The following SETX variants were observed in gnomAD, a reference collection of about 807,000 sequenced individuals.
SETX encodes helicase senataxin.
SETX carries 90 observed loss-of-function variants against 227.2 expected under a neutral mutation model. The ratio of observed to expected loss-of-function variants is 0.40; its 90% CI spans 0.33 to 0.47. The LOEUF is 0.47. Among genes scored for constraint, SETX ranks in the 20% least tolerant of loss-of-function variants. SETX has a pLI of 0.91. For synonymous variants in SETX, 1,210 were observed against 1,113.2 expected (o/e 1.09, Z -1.73); for missense variants, 3,052 against 3,181.5 (o/e 0.96, Z 0.98).
chr9:132,339,395 G>A (rs1036118270), intron 5 of SETX, among the ~76,000 whole-genome samples: 1 of 152,172 alleles, frequency 6.6e-6, no homozygotes, highest in Non-Finnish European at 1.5e-5. Context: ...AGAGATTACA[G>A]TGAGCTGTCA....
intron 25 of SETX, among the ~76,000 whole-genome samples, chr9:132,265,485 A>G (rs1005663724): frequency 6.6e-6 from 1 of 151,966 alleles, no homozygotes; most frequent in Non-Finnish European, 1.5e-5. Flanking sequence ...TCAGCTCCCA[A>G]AGTGCTGGGA....
At chr9:132,319,033 G>C (rs1359540896) in intron 10 of SETX, among the ~76,000 whole-genome samples, 1 of 152,144 alleles carries the variant, frequency 6.6e-6, no homozygotes, top group African/African-American at 2.4e-5. Context: ...TCCCAAAAGA[G>C]AGGGCCATTA....
intron 6 of SETX, among the ~76,000 whole-genome samples, chr9:132,335,191 C>G (rs188667002): frequency 1.2e-3 from 188 of 151,720 alleles, no homozygotes; most frequent in African/African-American, 4.2e-3. Context: ...GAGATCGAGA[C>G]CATCCTGGCT....
At chr9:132,320,125 G>C (rs1207846511) in intron 10 of SETX, among the ~76,000 whole-genome samples, 1 of 152,056 alleles carries the variant, frequency 6.6e-6, no homozygotes. Context: ...ATATACAAAA[G>C]ACTCATTTCT....
intron 11 of SETX, among the ~76,000 whole-genome samples, chr9:132,307,588 T>C (rs1589693102): frequency 6.6e-6 from 1 of 152,114 alleles, no homozygotes; most frequent in South Asian, 2.1e-4. Flanking sequence ...TAGAAGGAGC[T>C]GACTGAAATG....
In SETX at chr9:132,326,781, C is replaced by T. The variant is rs1339829880; in HGVS notation, c.4817G>A (p.Arg1606Gln). The change falls in exon 10 of 26, where the codon CGA becomes CAA. Residue 1606 changes from arginine to glutamine, a missense_variant. Coordinates refer to ENST00000224140, the MANE Select transcript of SETX (RefSeq NM_015046.7). ...TKIFSSKSTS[R>Q]IAGLSKSLET... is the part of the protein sequence containing the mutation. ...CAAAGATTTAGAAAGACCAGCAATTCGTGAAGTACTCTTTGAGCTAAAAAT... is the reference window on the plus strand; with the variant it reads ...CAAAGATTTAGAAAGACCAGCAATTTGTGAAGTACTCTTTGAGCTAAAAAT... The T allele has an allele frequency of 6.2e-6, 10 of 1,614,130 alleles. No homozygotes were observed. Among genetic ancestry groups the T allele is most frequent in the African/African-American group, 1.3e-5 (1 of 75,008 alleles).
intron 2 of SETX, among the ~76,000 whole-genome samples, chr9:132,351,663 A>G (rs2131584788): frequency 6.6e-6 from 1 of 152,350 alleles, no homozygotes; most frequent in Non-Finnish European, 1.5e-5. Context: ...CAAATTTAAA[A>G]TCATCACTGG....
chr9:132,265,829 A>C (rs2131120222), intron 25 of SETX, among the ~76,000 whole-genome samples: 1 of 152,200 alleles, frequency 6.6e-6, no homozygotes, highest in Admixed American at 6.5e-5. Flanking sequence ...TCAGAAAGCA[A>C]ACTTCTGAGT....
chr9:132,345,223 A>G (rs1038913461), intron 4 of SETX, among the ~76,000 whole-genome samples: 2 of 152,240 alleles, frequency 1.3e-5, no homozygotes, highest in South Asian at 2.1e-4. Flanking sequence ...AAATGTCACC[A>G]ATGCAAGGCT....
At position 132,329,093 on chromosome 9, in the gene SETX, A is replaced by G. The variant is rs2131451894; in HGVS notation, c.2505T>C (p.Asp835=). The G allele has an allele frequency of 6.2e-7, 1 of 1,610,388 alleles. No individual in the cohort carries two copies. Among genetic ancestry groups the G allele is most frequent in the South Asian group, 1.1e-5 (1 of 90,728 alleles). ...SRKDTGVQKG[D]GFIHNLSLDP... is the part of the protein sequence containing the mutation. Reference sequence around the variant, plus strand: ...CTAAAGAAAGATTGTGTATGAAACCATCTCCTTTCTGAACTCCTGTATCTT... The same window carrying G: ...CTAAAGAAAGATTGTGTATGAAACCGTCTCCTTTCTGAACTCCTGTATCTT... Residue 835 remains aspartate, a synonymous_variant, in exon 10 of 26, where the codon GAT becomes GAC. Coordinates refer to ENST00000224140, the MANE Select transcript of SETX (RefSeq NM_015046.7).
chr9:132,356,602 T>G (rs900456715), upstream of SETX, among the ~76,000 whole-genome samples: 12 of 152,084 alleles, frequency 7.9e-5, no homozygotes, highest in Non-Finnish European at 1.8e-4. Flanking sequence ...TTAGTAGTGG[T>G]GACTCAGGCG....
Position 132,329,094 on chromosome 9 carries a change from T to A in SETX, c.2504A>T (p.Asp835Val). Residue 835 changes from aspartate (D) to valine (V), a missense_variant, in exon 10 of 26, where the codon GAT becomes GTT. By Grantham distance (152) the Asp-to-Val change is radical (BLOSUM62 -3). This residue lies in a region of SETX where 1,483 missense variants were observed against 1,312.0 expected (regional missense o/e 1.13). Transcript: ENST00000224140. The part of the protein sequence containing the change: ...SRKDTGVQKG[D>V]GFIHNLSLDP... ...TAAAGAAAGATTGTGTATGAAACCATCTCCTTTCTGAACTCCTGTATCTTT... is the reference window on the plus strand; with the variant it reads ...TAAAGAAAGATTGTGTATGAAACCAACTCCTTTCTGAACTCCTGTATCTTT... The A allele has an allele frequency of 6.2e-7, 1 of 1,610,330 alleles. No homozygotes were observed. The highest frequency in any genetic ancestry group is 8.5e-7 in the Non-Finnish European group (1 of 1,179,478).
chr9:132,271,563 A>C (rs1473927164), intron 24 of SETX, 147 bp downstream of exon 24: 9 of 730,254 alleles, frequency 1.2e-5, no homozygotes, highest in Non-Finnish European at 2.2e-5. Flanking sequence ...CTTAAAAGAG[A>C]AACTTTCATA....
intron 19 of SETX, among the ~76,000 whole-genome samples, chr9:132,282,019 T>TAAA (rs71376633): frequency 1.2e-3 from 97 of 81,878 alleles, no homozygotes; most frequent in South Asian, 5.0e-3. Context: ...ACTCCGTCTC[T>TAAA]AAAAAAAAAA....
At chr9:132,317,395 C>T (rs1473869300) in intron 10 of SETX, among the ~76,000 whole-genome samples, 1 of 152,212 alleles carries the variant, frequency 6.6e-6, no homozygotes, top group Non-Finnish European at 1.5e-5. Context: ...AACTGTATCA[C>T]TGAATATCTG....
intron 15 of SETX, among the ~76,000 whole-genome samples, chr9:132,293,421 C>CTTAT (rs940113078): frequency 4.6e-5 from 7 of 151,978 alleles, no homozygotes; most frequent in African/African-American, 7.2e-5. Flanking sequence ...CATTTGCTCT[C>CTTAT]TTATTTATTT....
chr9:132,352,045 ATC>A (rs1183344502), intron 2 of SETX, among the ~76,000 whole-genome samples: 1 of 152,172 alleles, frequency 6.6e-6, no homozygotes, highest in African/African-American at 2.4e-5. Context: ...TCAAATAACA[ATC>A]TCTTTCTTCT....
chr9:132,273,163 G>GTTT (rs144496199), intron 23 of SETX, among the ~76,000 whole-genome samples: 26 of 151,020 alleles, frequency 1.7e-4, no homozygotes, highest in Middle Eastern at 3.4e-3. Context: ...TTATTTAGGT[G>GTTT]GTTTTTTTTT....
rs114780222 is a variant in SETX, at chr9:132,344,246, C to T, written c.389-1447G>A. Among the ~76,000 whole-genome samples, 394 of 152,228 alleles carry T rather than the reference C, an allele frequency of 2.6e-3. 4 individuals are homozygous for T. The highest frequency in any genetic ancestry group is 8.9e-3 in the African/African-American group (371 of 41,530). On this transcript the variant is annotated intron_variant, in intron 4 of 25. Transcript: ENST00000224140. Reference sequence around the variant, plus strand: ...TGGGTTTTTTAGAGACAGGGTCTTGCGCTGTTGCCCAGAATGAAGTACAGT... The same window carrying T: ...TGGGTTTTTTAGAGACAGGGTCTTGTGCTGTTGCCCAGAATGAAGTACAGT...
Sources: gnomAD v4.1 joint callset for allele counts (sites outside exome capture counted in the v4.1 genomes callset) on GRCh38, gnomAD v4.1.1 for gene constraint, gnomAD v4.1.1 regional missense constraint, MANE v1.5 for transcripts, NCBI Gene and HGNC (gene_info 2026-07-23, HGNC 2026-07-21) for gene names.